DUSP8: variants seen among roughly 807,000 people sequenced by gnomAD.
DUSP8 encodes dual specificity protein phosphatase 8.
In DUSP8, 15 loss-of-function variants were observed where a neutral mutation model predicts 38.7. The observed-to-expected ratio is 0.39, with a 90% CI of 0.26 to 0.60. The LOEUF (loss-of-function observed/expected upper bound fraction) is 0.60, where lower values mean the gene tolerates loss of function less well. DUSP8 is among the 20% of genes least tolerant of loss of function. The pLI is 0.56. For synonymous variants in DUSP8, 458 were observed against 433.9 expected, an observed-to-expected ratio of 1.06 and a Z score of -0.69; for missense variants, 768 against 915.0, an observed-to-expected ratio of 0.84 and a Z score of 2.07.
chr11:1,564,324 G>A (rs1246355293), intron 2 of DUSP8, among the ~76,000 whole-genome samples: 2 of 152,198 alleles, frequency 1.3e-5, no homozygotes, highest in Non-Finnish European at 2.9e-5. Context: ...AGGTGAGTGC[G>A]ATGGGAGCCC....
At chr11:1,562,946 C>T (rs7106614) in intron 3 of DUSP8, among the ~76,000 whole-genome samples, 3,148 of 152,260 alleles carry the variant, frequency 0.021, 98 homozygotes, top group African/African-American at 0.071. Flanking sequence ...GTCGGGAGGT[C>T]GGCCTGGCCA....
intron 1 of DUSP8, 147 bp from the exon 2 acceptor site, chr11:1,566,081 C>A (rs891746065): frequency 1.9e-5 from 10 of 529,196 alleles, no homozygotes; most frequent in African/African-American, 1.7e-4. Flanking sequence ...GGAGAGACCC[C>A]GTCCAGGTCA....
upstream of DUSP8, among the ~76,000 whole-genome samples, chr11:1,572,322 G>A (rs1454535496): frequency 6.7e-6 from 1 of 148,882 alleles, no homozygotes; most frequent in African/African-American, 2.5e-5. This position sits in a 1 kb window ranked among gnomAD's most constrained non-coding sequence, Gnocchi z 4.7. Flanking sequence ...AGGTCATGCC[G>A]AGCGAAAAAA....
chr11:1,572,199 C>T lies in DUSP8; in HGVS notation c.-407G>A, dbSNP rs1327981170. Among the ~76,000 whole-genome samples the T allele has an allele frequency of 2.1e-5, 3 of 144,688 alleles. No individual in the cohort carries two copies. The highest frequency in any genetic ancestry group is 7.5e-5 in the African/African-American group (3 of 40,218). 94.9% of individuals were successfully genotyped at this position (144,688 alleles called of 152,430 possible). A position where few individuals can be genotyped will look rare whatever the true frequency, so the allele number is the denominator to read the frequency against. ...CGCGGCTCGGGCTCGGGCTCGGGCT[C>T]GGGCTCGGGCGTCCGGCGTCCGGCG... On this transcript the variant is annotated 5_prime_UTR_variant, in exon 1 of 7. Transcript: ENST00000397374. The surrounding 1 kb of genome is among the most constrained non-coding windows in gnomAD (Gnocchi z 4.7).
chr11:1,569,191 T>C (rs1421755311), intron 1 of DUSP8, among the ~76,000 whole-genome samples: 1 of 152,048 alleles, frequency 6.6e-6, no homozygotes, highest in Non-Finnish European at 1.5e-5. Context: ...GGGGACAGGA[T>C]GCCCCCTAGC....
chr11:1,559,918 A>C (rs1848692376), intron 3 of DUSP8, among the ~76,000 whole-genome samples: 1 of 152,120 alleles, frequency 6.6e-6, no homozygotes, highest in African/African-American at 2.4e-5. Context: ...AGTGCACACC[A>C]TGGCTCTGGT....
chr11:1,570,086 G>A (rs1848864462), intron 1 of DUSP8, among the ~76,000 whole-genome samples: 1 of 152,208 alleles, frequency 6.6e-6, no homozygotes, highest in Admixed American at 6.5e-5. Context: ...GTGGACCTGG[G>A]AGAAAGTGGG....
rs1245454529 is a variant in DUSP8, at chr11:1,557,312, G to A, written c.1084C>T (p.Pro362Ser). ...LSAGGEPPAP[P>S]TPPATSALQQ... ...AGTGCGCTGGTCGCCGGGGGCGTGGGGGGCGCGGGGGGCTCCCCGCCCGCG... is the reference window on the plus strand; with the variant it reads ...AGTGCGCTGGTCGCCGGGGGCGTGGAGGGCGCGGGGGGCTCCCCGCCCGCG... The change falls in exon 7 of 7, where the codon CCC becomes TCC. Residue 362 changes from proline (P) to serine (S), a missense_variant. Physicochemically the swap from Pro to Ser is moderately conservative, Grantham distance 74. This residue lies in a region of DUSP8 where 474 missense variants were observed against 430.8 expected (regional missense o/e 1.10). Coordinates refer to ENST00000397374, the MANE Select transcript of DUSP8 (RefSeq NM_004420.3). This position sits in a 1 kb window ranked among gnomAD's most constrained non-coding sequence, Gnocchi z 9.9. 1.4e-6 allele frequency: 2 copies of A among 1,477,820 alleles called. No individual in the cohort carries two copies. Among genetic ancestry groups the A allele is most frequent in the Non-Finnish European group, 1.8e-6 (2 of 1,125,754 alleles). 91.5% of individuals were successfully genotyped at this position (1,477,820 alleles called of 1,614,324 possible).
rs116335907 is a variant in DUSP8 at position 1,566,658 on chromosome 11, C to T, written c.-108-724G>A. Among the ~76,000 whole-genome samples the T allele has an allele frequency of 7.1e-3, 1,079 of 152,318 alleles. 14 individuals carry two copies. Among genetic ancestry groups the T allele is most frequent in the African/African-American group, 0.024 (1,012 of 41,572 alleles). On this transcript the variant is annotated intron_variant, in intron 1 of 6. Coordinates refer to ENST00000397374, the MANE Select transcript of DUSP8 (RefSeq NM_004420.3). ...GCTGGGGGTGAGTGCCCAGCTCCTG[C>T]AGGGGCGTGTTGCACCCACACAGTG... is the stretch of plus-strand genomic sequence containing the variant.
At position 1,556,655 on chromosome 11, in the gene DUSP8, TCTCCGGGGCCGG is replaced by T. The variant is rs774236355; in HGVS notation, c.1729_1740del (p.Pro577_Glu580del). ...TGGCAGCTGCGGCGCTTGAACTGCG[TCTCCGGGGCCGG>T]CTCCTCGGGCCAGCCGGTCCGCGCG... On this transcript the variant is annotated inframe_deletion, in exon 7 of 7. Coordinates refer to ENST00000397374, the MANE Select transcript of DUSP8 (RefSeq NM_004420.3). This position sits in a 1 kb window ranked among gnomAD's most constrained non-coding sequence, Gnocchi z 5.2. 5.0e-6 allele frequency: 7 copies of T among 1,403,602 alleles called. No homozygotes were observed. The highest frequency in any genetic ancestry group is 6.5e-6 in the Non-Finnish European group (7 of 1,074,178). The allele number at this position is 1,403,602 out of a possible 1,614,324, so 86.9% of individuals were successfully genotyped here. A position where few individuals can be genotyped will look rare whatever the true frequency, so the allele number is the denominator to read the frequency against.
rs1336289266 is a variant in DUSP8 at position 1,558,662 on chromosome 11, C to G, written c.537+227G>C. Among the ~76,000 whole-genome samples the G allele has an allele frequency of 6.6e-6, 1 of 152,186 alleles. No individual in the cohort carries two copies. Among genetic ancestry groups the G allele is most frequent in the Non-Finnish European group, 1.5e-5 (1 of 68,022 alleles). Reference sequence around the variant, plus strand: ...CTTGGCATGCCAGCTCCCCGCTCCTCCCCCGAGCCCTGCCGGGCCCTCCCG... The same window carrying G: ...CTTGGCATGCCAGCTCCCCGCTCCTGCCCCGAGCCCTGCCGGGCCCTCCCG... On this transcript the variant is annotated intron_variant, in intron 4 of 6. Coordinates refer to ENST00000397374, the MANE Select transcript of DUSP8 (RefSeq NM_004420.3). This position sits in a 1 kb window ranked among gnomAD's most constrained non-coding sequence, Gnocchi z 6.3.
Position 1,556,019 on chromosome 11 carries a change from C to T in DUSP8, c.*499G>A, listed in dbSNP as rs1467079823. ...TCTCCGGGGCACACCAGCTCCTGCT[C>T]CTCCATCCTATGGCTTTGGTGCAGA... On this transcript the variant is annotated 3_prime_UTR_variant, in exon 7 of 7. Coordinates refer to ENST00000397374, the MANE Select transcript of DUSP8 (RefSeq NM_004420.3). This position sits in a 1 kb window ranked among gnomAD's most constrained non-coding sequence, Gnocchi z 5.2. 1.3e-5 allele frequency: 2 copies of T among 152,204 alleles called. No individual in the cohort carries two copies. The highest frequency in any genetic ancestry group is 2.4e-5 in the African/African-American group (1 of 41,420). 9.4% of individuals were successfully genotyped at this position (152,204 alleles called of 1,614,324 possible).
At position 1,554,543 on chromosome 11, in the gene DUSP8, T is replaced by C. The variant is rs1413104569; in HGVS notation, c.*1975A>G. The C allele has an allele frequency of 1.5e-6, 1 of 687,342 alleles. No homozygotes were observed. The highest frequency in any genetic ancestry group is 6.4e-5 in the South Asian group (1 of 15,620). 42.6% of individuals were successfully genotyped at this position (687,342 alleles called of 1,614,324 possible). A position where few individuals can be genotyped will look rare whatever the true frequency, so the allele number is the denominator to read the frequency against. On this transcript the variant is annotated 3_prime_UTR_variant, in exon 7 of 7. Transcript: ENST00000397374. Reference sequence around the variant, plus strand: ...GGACCTTCGCCCCCCTGCTGGCTGCTCACTTTGCGGTAACCAGTGCCTCAA... The same window carrying C: ...GGACCTTCGCCCCCCTGCTGGCTGCCCACTTTGCGGTAACCAGTGCCTCAA...
At chr11:1,572,519 G>A (rs547507153), upstream of DUSP8, among the ~76,000 whole-genome samples, 2 of 151,612 alleles carry the variant, frequency 1.3e-5, no homozygotes, top group African/African-American at 4.8e-5. This position sits in a 1 kb window ranked among gnomAD's most constrained non-coding sequence, Gnocchi z 4.7. Context: ...GGGACCACGC[G>A]GCGTCCGGGA....
intron 3 of DUSP8, among the ~76,000 whole-genome samples, chr11:1,559,737 C>A (rs1490122628): frequency 3.9e-5 from 6 of 152,194 alleles, no homozygotes; most frequent in Non-Finnish European, 5.9e-5. Flanking sequence ...GCACTGGGGG[C>A]ACGCAGAGCA....
chr11:1,568,585 C>T (rs1172943854), intron 1 of DUSP8, among the ~76,000 whole-genome samples: 1 of 152,172 alleles, frequency 6.6e-6, no homozygotes, highest in African/African-American at 2.4e-5. Flanking sequence ...CACCATGGAG[C>T]AGGCTCCTCT....
intron 2 of DUSP8, 128 bp from the exon 3 acceptor site, chr11:1,564,117 G>C (rs1053664977): frequency 8.4e-7 from 1 of 1,196,680 alleles, no homozygotes; most frequent in Non-Finnish European, 1.1e-6. Context: ...CTGTCACCTT[G>C]CTGCCTGGAG....
At chr11:1,564,687 G>A (rs1374155970) in intron 2 of DUSP8, among the ~76,000 whole-genome samples, 1 of 152,244 alleles carries the variant, frequency 6.6e-6, no homozygotes, top group Non-Finnish European at 1.5e-5. Flanking sequence ...CCCTGGGCTG[G>A]GTGACGTCAC....
In DUSP8 at chr11:1,558,745, C is replaced by T; in HGVS notation, c.537+144G>A. On this transcript the variant is annotated intron_variant, in intron 4 of 6. Transcript: ENST00000397374. This position sits in a 1 kb window ranked among gnomAD's most constrained non-coding sequence, Gnocchi z 6.3. ...GTGGGGAGCCTGGGGTCCTCCTGGG[C>T]CCCCACCCATGCTTCTCCCACACCC... 7 of 1,013,724 alleles carry T rather than the reference C, an allele frequency of 6.9e-6. No homozygotes were observed. The highest frequency in any genetic ancestry group is 1.8e-5 in the South Asian group (1 of 56,046). 62.8% of individuals were successfully genotyped at this position (1,013,724 alleles called of 1,614,324 possible). A position where few individuals can be genotyped will look rare whatever the true frequency, so the allele number is the denominator to read the frequency against.
Sources: allele counts gnomAD v4.1 joint callset (sites outside exome capture counted in the v4.1 genomes callset), GRCh38; gene constraint gnomAD v4.1.1; regional missense constraint gnomAD v4.1.1; non-coding constraint Gnocchi (gnomAD v3.1); transcripts MANE v1.5; gene names NCBI Gene and HGNC (gene_info 2026-07-23, HGNC 2026-07-21).